The following POLR1A variants were observed in gnomAD, a reference collection of about 807,000 sequenced individuals.
POLR1A encodes the protein DNA-directed RNA polymerase I subunit RPA1.
In POLR1A, 84 loss-of-function variants were observed where a neutral mutation model predicts 205.3. The observed-to-expected ratio is 0.41, with a 90% CI of 0.34 to 0.49. POLR1A has a LOEUF of 0.49. Ranked by LOEUF, POLR1A falls within the 20% of genes least tolerant of loss-of-function variation. POLR1A has a pLI of 0.22. For missense variants in POLR1A, 1,645 were observed against 2,204.5 expected (o/e 0.75, Z 5.08); for synonymous variants, 799 against 863.7 (o/e 0.93, Z 1.31).
chr2:86,043,232 C>T (rs1210262147), intron 22 of POLR1A, 37 bp from the exon 23 acceptor site: 2 of 1,523,824 alleles, frequency 1.3e-6, no homozygotes, highest in Non-Finnish European at 1.8e-6. Context: ...AAACAAATCA[C>T]ACACATGAGA....
chr2:86,047,861 A>G (rs1407849054), intron 18 of POLR1A, among the ~76,000 whole-genome samples: 6 of 152,192 alleles, frequency 3.9e-5, no homozygotes, highest in African/African-American at 1.4e-4. Flanking sequence ...GACTTGGCCC[A>G]ACACAGGAGA....
chr2:86,044,018 C>T, intron 22 of POLR1A, 121 bp downstream of exon 22: 1 of 861,160 alleles, frequency 1.2e-6, no homozygotes, highest in Non-Finnish European at 1.8e-6. Context: ...ATAAACCCTT[C>T]CCACTCTACT....
Position 86,092,768 on chromosome 2 carries a change from C to T in POLR1A, c.433-2839G>A, listed in dbSNP as rs796223854. On this transcript the variant is annotated intron_variant, in intron 3 of 33. Transcript: ENST00000263857. ...TGAACCCGGGAGGTGGAGGCTGCAG[C>T]GAGCCAAGATTGTGCTGCTGCACTC... Among the ~76,000 whole-genome samples the T allele has an allele frequency of 6.6e-5, 10 of 152,150 alleles. No homozygotes were observed. The South Asian group carries it at 1.5e-3, about 22-fold the overall frequency.
In POLR1A at chr2:86,105,868, C is replaced by G; in HGVS notation, c.-92G>C. Reference sequence around the variant, plus strand: ...TTCAACCTCAAGCCCGGAGTCACCACGCGATTCAACGTGCGCTTGCGCGCG... The same window carrying G: ...TTCAACCTCAAGCCCGGAGTCACCAGGCGATTCAACGTGCGCTTGCGCGCG... On this transcript the variant is annotated 5_prime_UTR_variant, in exon 1 of 34. Transcript: ENST00000263857. The G allele has an allele frequency of 8.5e-7, 1 of 1,171,086 alleles. No individual in the cohort carries two copies. Among genetic ancestry groups the G allele is most frequent in the South Asian group, 1.3e-5 (1 of 76,430 alleles). The allele number at this position is 1,171,086 out of a possible 1,614,324, so 72.5% of individuals were successfully genotyped here.
rs577241491 is a variant in POLR1A at position 86,082,984 on chromosome 2, T to A, written c.817+98A>T. 4.9e-5 allele frequency: 44 copies of A among 890,652 alleles called. 1 individual carries two copies. The highest frequency in any genetic ancestry group is 4.5e-4 in the South Asian group (31 of 69,074). 55.2% of individuals were successfully genotyped at this position (890,652 alleles called of 1,614,324 possible). ...GATCAGTTCCAGGAGGAAGCTACAATCACTACAACTTAAAAGAAGTAATAA... is the reference window on the plus strand; with the variant it reads ...GATCAGTTCCAGGAGGAAGCTACAAACACTACAACTTAAAAGAAGTAATAA... On this transcript the variant is annotated intron_variant, in intron 7 of 33. Transcript: ENST00000263857.
chr2:86,058,879 G>C (rs926608689), intron 14 of POLR1A, among the ~76,000 whole-genome samples: 8 of 152,094 alleles, frequency 5.3e-5, no homozygotes, highest in African/African-American at 1.9e-4. Context: ...CACTTTGGGA[G>C]GCTGAAGCTG....
At chr2:86,102,322 G>A (rs1440827989) in intron 1 of POLR1A, among the ~76,000 whole-genome samples, 1 of 152,186 alleles carries the variant, frequency 6.6e-6, no homozygotes, top group African/African-American at 2.4e-5. Context: ...TTTTCTGATA[G>A]TAGCACCCTA....
intron 27 of POLR1A, 68 bp downstream of exon 27, chr2:86,038,632 G>T: frequency 6.7e-7 from 1 of 1,494,858 alleles, no homozygotes; most frequent in Non-Finnish European, 9.3e-7. Context: ...GTGGCTAGGT[G>T]CTTCCTGCCC....
intron 12 of POLR1A, among the ~76,000 whole-genome samples, chr2:86,073,991 A>C (rs1443659128): frequency 6.6e-6 from 1 of 152,244 alleles, no homozygotes; most frequent in Non-Finnish European, 1.5e-5. Flanking sequence ...TACTTCGTGC[A>C]CTAGAGAAGA....
intron 1 of POLR1A, among the ~76,000 whole-genome samples, chr2:86,103,548 A>G (rs994164914): frequency 3.3e-5 from 5 of 152,228 alleles, no homozygotes; most frequent in African/African-American, 1.2e-4. Flanking sequence ...CTTTTTAAAA[A>G]TTCAGGCAAC....
rs184041105 is a variant in POLR1A at position 86,095,884 on chromosome 2, C to A, written c.432+2727G>T. ...CTGGGACTACAGGCGCCTGCCACCA[C>A]CCCCAGCTAATTTTTTTGTATTTTT... On this transcript the variant is annotated intron_variant, in intron 3 of 33. Transcript: ENST00000263857. Among the ~76,000 whole-genome samples, 965 of 152,106 alleles carry A rather than the reference C, an allele frequency of 6.3e-3. 6 individuals carry two copies. The highest frequency in any genetic ancestry group is 0.011 in the Non-Finnish European group (721 of 68,002).
chr2:86,055,920 G>T (rs1481378624), intron 14 of POLR1A, among the ~76,000 whole-genome samples: 1 of 152,166 alleles, frequency 6.6e-6, no homozygotes, highest in African/African-American at 2.4e-5. Flanking sequence ...ATGTACTAGA[G>T]GTTCTAGCCA....
At chr2:86,030,174 G>C in intron 31 of POLR1A, 22 bp downstream of exon 31, 2 of 1,599,968 alleles carry the variant, frequency 1.3e-6, no homozygotes, top group Non-Finnish European at 1.7e-6. Context: ...TTTGTCCCAG[G>C]CCAGCAGACA....
rs1016600542 is a variant in POLR1A, at chr2:86,090,325, T to C, written c.433-396A>G. Among the ~76,000 whole-genome samples the C allele has an allele frequency of 6.7e-5, 10 of 149,872 alleles. No homozygotes were observed. The East Asian group carries it at 1.8e-3, about 26-fold the overall frequency. On this transcript the variant is annotated intron_variant, in intron 3 of 33. Transcript: ENST00000263857. ...TGAGGAGATCGCTGGGAGGGGAATGTTGCAGTGAGCCAAGATTGCACCACT... is the reference window on the plus strand; with the variant it reads ...TGAGGAGATCGCTGGGAGGGGAATGCTGCAGTGAGCCAAGATTGCACCACT...
At position 86,030,417 on chromosome 2, in the gene POLR1A, G is replaced by C. The variant is rs563833166; in HGVS notation, c.4579-21C>G. On this transcript the variant is annotated intron_variant, in intron 30 of 33. Transcript: ENST00000263857. ...GTCACCTGCAAAAGGAGGGAGAGCT[G>C]GGTAGGGTGACAGCTACTCCAGTCC... The C allele has an allele frequency of 9.5e-6, 15 of 1,579,852 alleles. No individual in the cohort carries two copies. The African/African-American group carries it at 1.2e-4, about 13-fold the overall frequency.
At chr2:86,097,805 G>A (rs977091819) in intron 3 of POLR1A, among the ~76,000 whole-genome samples, 8 of 152,068 alleles carry the variant, frequency 5.3e-5, no homozygotes, top group African/African-American at 1.9e-4. Flanking sequence ...TAGACAGGAG[G>A]AATAAATTCT....
chr2:86,089,029 G>A (rs1387949090), intron 4 of POLR1A, among the ~76,000 whole-genome samples, 159 bp from the exon 5 acceptor site: 1 of 152,150 alleles, frequency 6.6e-6, no homozygotes, highest in African/African-American at 2.4e-5. Context: ...ATACACTTGA[G>A]CTCTGACAAT....
chr2:86,040,284 G>C, intron 25 of POLR1A, 108 bp downstream of exon 25: 1 of 886,564 alleles, frequency 1.1e-6, no homozygotes, highest in Non-Finnish European at 1.6e-6. Flanking sequence ...CTCTCACACA[G>C]ACACACTCTC....
rs367939142 is a variant in POLR1A at position 86,045,764 on chromosome 2, C to G, written c.2739G>C (p.Ser913=). The change falls in exon 20 of 34, where the codon TCG becomes TCC. Residue 913 remains serine, a synonymous_variant. Transcript: ENST00000263857. The stretch of plus-strand genomic sequence containing the variant: ...CCAGTTCAATCTGGCCCAGCAGGCA[C>G]GAGATCTGGAGGACAGGAAATCCAC... ...KGSTVNTMQI[S]CLLGQIELEG... 8 of 1,605,424 alleles carry G rather than the reference C, an allele frequency of 5.0e-6. No homozygotes were observed. The highest frequency in any genetic ancestry group is 6.8e-6 in the Non-Finnish European group (8 of 1,178,180).
Sources: allele counts gnomAD v4.1 joint callset (sites outside exome capture counted in the v4.1 genomes callset), GRCh38; gene constraint gnomAD v4.1.1; transcripts MANE v1.5; gene names NCBI Gene and HGNC (gene_info 2026-07-23, HGNC 2026-07-21).